Variants in EXT1 observed in about 807,000 individuals in gnomAD.
The protein encoded by EXT1 is exostosin glycosyltransferase 1.
In EXT1, 20 loss-of-function variants were observed where a neutral mutation model predicts 82.5. The observed-to-expected ratio is 0.24, with a 90% CI of 0.17 to 0.35. The LOEUF is 0.35. Ranked by LOEUF, EXT1 falls within the 10% of genes least tolerant of loss-of-function variation. EXT1 has a pLI of 1.00. For missense variants in EXT1, 757 were observed against 936.5 expected (o/e 0.81, Z 2.50); for synonymous variants, 348 against 350.8 (o/e 0.99, Z 0.09).
intron 1 of EXT1, among the ~76,000 whole-genome samples, chr8:117,866,998 C>T (rs979941422): frequency 1.3e-5 from 2 of 152,022 alleles, no homozygotes. Flanking sequence ...CAGTGGCTCA[C>T]GCCTGTAATC....
chr8:118,028,279 T>C (rs2129872330), intron 1 of EXT1, among the ~76,000 whole-genome samples: 1 of 152,370 alleles, frequency 6.6e-6, no homozygotes, highest in East Asian at 1.9e-4. Context: ...CAAGGACGCA[T>C]CTGGCCTCTA....
chr8:117,805,889 C>T (rs1823229392), intron 9 of EXT1, among the ~76,000 whole-genome samples: 1 of 152,190 alleles, frequency 6.6e-6, no homozygotes, highest in African/African-American at 2.4e-5. Flanking sequence ...TTTGTATCTC[C>T]ACCCCTGAGC....
At chr8:118,075,269 A>G (rs562745473) in intron 1 of EXT1, among the ~76,000 whole-genome samples, 6 of 152,314 alleles carry the variant, frequency 3.9e-5, no homozygotes, top group African/African-American at 1.4e-4. Flanking sequence ...TGGGAAGATC[A>G]AGTCTAGACT....
intron 10 of EXT1, 140 bp from the exon 11 acceptor site, chr8:117,800,037 C>A: frequency 1.2e-6 from 1 of 806,890 alleles, no homozygotes; most frequent in South Asian, 1.6e-5. Context: ...ACCATCTATG[C>A]ACCTGCTGAA....
At chr8:117,832,700 A>G (rs1332577811) in intron 3 of EXT1, among the ~76,000 whole-genome samples, 1 of 152,170 alleles carries the variant, frequency 6.6e-6, no homozygotes, top group Admixed American at 6.5e-5. Flanking sequence ...CATCAAGTGC[A>G]ATGTATTCTA....
intron 4 of EXT1, among the ~76,000 whole-genome samples, chr8:117,824,840 T>C (rs1229535975): frequency 6.6e-6 from 1 of 152,052 alleles, no homozygotes; most frequent in African/African-American, 2.4e-5. Context: ...TGATTATTCT[T>C]CTTCTTCTTT....
At chr8:117,808,783 G>A (rs940765888) in intron 8 of EXT1, among the ~76,000 whole-genome samples, 3 of 152,106 alleles carry the variant, frequency 2.0e-5, no homozygotes, top group Non-Finnish European at 4.4e-5. Context: ...GATGATTTCT[G>A]GGTGTGTCTG....
chr8:117,992,129 T>C (rs1467626617), intron 1 of EXT1, among the ~76,000 whole-genome samples: 2 of 152,174 alleles, frequency 1.3e-5, no homozygotes, highest in East Asian at 1.9e-4. Context: ...TGTTGGCAGC[T>C]GCCCACAGGG....
At chr8:117,908,937 AAC>A (rs1813592237) in intron 1 of EXT1, among the ~76,000 whole-genome samples, 1 of 151,970 alleles carries the variant, frequency 6.6e-6, no homozygotes, top group Non-Finnish European at 1.5e-5. Flanking sequence ...CAGCCTGGGC[AAC>A]ATGGTGAAAC....
intron 1 of EXT1, among the ~76,000 whole-genome samples, chr8:117,958,160 C>A (rs1353972041): frequency 6.6e-6 from 1 of 151,648 alleles, no homozygotes; most frequent in Non-Finnish European, 1.5e-5. Context: ...GGTTTAGAAA[C>A]TTATTTAAAT....
chr8:117,972,960 G>A (rs905588276), intron 1 of EXT1, among the ~76,000 whole-genome samples: 1 of 152,112 alleles, frequency 6.6e-6, no homozygotes, highest in African/African-American at 2.4e-5. Flanking sequence ...AGATTTCGGT[G>A]GGGACACTGC....
At chr8:118,053,730 T>C (rs1005393254) in intron 1 of EXT1, among the ~76,000 whole-genome samples, 3 of 152,228 alleles carry the variant, frequency 2.0e-5, no homozygotes, top group Non-Finnish European at 2.9e-5. Context: ...ATGAGGGAGC[T>C]GAAGTACAAC....
chr8:118,073,727 C>A (rs1284017332), intron 1 of EXT1, among the ~76,000 whole-genome samples: 1 of 146,466 alleles, frequency 6.8e-6, no homozygotes, highest in Non-Finnish European at 1.5e-5. Context: ...AAGGATCCAG[C>A]ACAAATAATT....
chr8:118,105,253 A>G (rs567691467), intron 1 of EXT1, among the ~76,000 whole-genome samples: 1 of 152,312 alleles, frequency 6.6e-6, no homozygotes, highest in Non-Finnish European at 1.5e-5. Context: ...GACAGAAAGA[A>G]CTAACACCAC....
intron 1 of EXT1, among the ~76,000 whole-genome samples, chr8:117,952,590 C>T (rs1012794787): frequency 1.3e-5 from 2 of 152,084 alleles, no homozygotes; most frequent in African/African-American, 4.8e-5. Flanking sequence ...GATGAAATCC[C>T]GTCTCTACTA....
At chr8:117,919,335 C>T (rs932871978) in intron 1 of EXT1, among the ~76,000 whole-genome samples, 4 of 150,980 alleles carry the variant, frequency 2.6e-5, no homozygotes, top group African/African-American at 9.8e-5. Flanking sequence ...ACAGGCATTA[C>T]ACCACCACAC....
intron 1 of EXT1, among the ~76,000 whole-genome samples, chr8:117,864,959 T>A (rs4129116): frequency 0.18 from 27,374 of 151,564 alleles, 2,653 homozygotes; most frequent in East Asian, 0.38. Flanking sequence ...TGTTTTTTTT[T>A]AAAAAAATAG....
At chr8:118,049,624 A>T (rs933881465) in intron 1 of EXT1, among the ~76,000 whole-genome samples, 2 of 152,234 alleles carry the variant, frequency 1.3e-5, no homozygotes, top group Admixed American at 6.5e-5. Context: ...AGAGAAAAAA[A>T]ATATGTGTAA....
rs1361281574 is a variant in EXT1, at chr8:118,111,269, A to G, written c.-223T>C. 1.2e-5 allele frequency: 8 copies of G among 682,812 alleles called. No individual in the cohort carries two copies. Among genetic ancestry groups the G allele is most frequent in the Admixed American group, 7.3e-5 (3 of 41,312 alleles). The allele number at this position is 682,812 out of a possible 1,614,324, so 42.3% of individuals were successfully genotyped here. ...TCGGTCTTTCATCTTTGGGTTGCAC[A>G]ATGCACGGGAGAGAGCGGGGCTGAA... On this transcript the variant is annotated 5_prime_UTR_variant, in exon 1 of 11. Transcript: ENST00000378204.
Sources: allele counts gnomAD v4.1 joint callset (sites outside exome capture counted in the v4.1 genomes callset), GRCh38; gene constraint gnomAD v4.1.1; transcripts MANE v1.5; gene names NCBI Gene and HGNC (gene_info 2026-07-23, HGNC 2026-07-21).